Variants in ANO10 observed in about 807,000 individuals in gnomAD.
The protein encoded by ANO10 is anoctamin 10.
Under a neutral mutation model 74.7 loss-of-function variants are expected in ANO10, and 77 were observed. That is an observed-to-expected ratio of 1.03 (90% confidence interval 0.86 to 1.25). The LOEUF (loss-of-function observed/expected upper bound fraction) is 1.25. Among genes scored for constraint, ANO10 ranks in the 50% most tolerant of loss-of-function variants. ANO10 has a pLI of 0.00. For synonymous variants in ANO10, 279 were observed against 284.9 expected (o/e 0.98, Z 0.21); for missense variants, 721 against 778.1 (o/e 0.93, Z 0.87).
chr3:43,411,339 C>T (rs2092661838), intron 12 of ANO10, among the ~76,000 whole-genome samples: 1 of 152,140 alleles, frequency 6.6e-6, no homozygotes, highest in African/African-American at 2.4e-5. Flanking sequence ...ACTTGCCTCC[C>T]CATTTTCTTT....
chr3:43,403,338 C>T (rs915513227), intron 12 of ANO10, among the ~76,000 whole-genome samples: 2 of 152,242 alleles, frequency 1.3e-5, no homozygotes, highest in Non-Finnish European at 2.9e-5. Context: ...TTCCTCCACA[C>T]TGGAAGCTTT....
chr3:43,552,470 T>C (rs1341880904), intron 10 of ANO10, among the ~76,000 whole-genome samples: 1 of 152,004 alleles, frequency 6.6e-6, no homozygotes, highest in Non-Finnish European at 1.5e-5. Flanking sequence ...AAACATAACA[T>C]AGAAAACTCA....
chr3:43,650,800 G>T (rs2083778857), intron 1 of ANO10, among the ~76,000 whole-genome samples: 1 of 152,052 alleles, frequency 6.6e-6, no homozygotes. Context: ...CTGATAAATT[G>T]TGTGTTGTAC....
intron 11 of ANO10, among the ~76,000 whole-genome samples, chr3:43,538,191 TAGC>T (rs1206574175): frequency 6.6e-6 from 1 of 152,216 alleles, no homozygotes; most frequent in Non-Finnish European, 1.5e-5. Flanking sequence ...AAATTTGACG[TAGC>T]ATACTAACAC....
chr3:43,660,886 G>A (rs1482839889), intron 1 of ANO10, among the ~76,000 whole-genome samples: 2 of 152,238 alleles, frequency 1.3e-5, no homozygotes, highest in Admixed American at 6.5e-5. Flanking sequence ...CCCAGGAGAC[G>A]GAGGTTGCGT....
chr3:43,504,316 A>G (rs1191971664), intron 11 of ANO10, among the ~76,000 whole-genome samples: 1 of 151,872 alleles, frequency 6.6e-6, no homozygotes, highest in Non-Finnish European at 1.5e-5. Flanking sequence ...AGATAGATAG[A>G]TAGATAGATA....
chr3:43,480,328 TGAA>T (rs1351863581), intron 11 of ANO10, among the ~76,000 whole-genome samples: 9 of 152,246 alleles, frequency 5.9e-5, no homozygotes, highest in African/African-American at 1.9e-4. Flanking sequence ...TTCACAGAAC[TGAA>T]GAACAGGTGT....
chr3:43,681,843 G>T (rs1055621316), intron 1 of ANO10, among the ~76,000 whole-genome samples: 2 of 152,132 alleles, frequency 1.3e-5, no homozygotes, highest in African/African-American at 4.8e-5. Context: ...GGTACATAAC[G>T]AAATGAAGGC....
intron 1 of ANO10, among the ~76,000 whole-genome samples, chr3:43,656,518 T>C (rs930277672): frequency 6.6e-6 from 1 of 151,910 alleles, no homozygotes; most frequent in Non-Finnish European, 1.5e-5. Flanking sequence ...CAGGAGCCCA[T>C]GGAGGGGGTG....
chr3:43,620,069 GA>G (rs1279411411), intron 1 of ANO10, among the ~76,000 whole-genome samples: 2 of 152,092 alleles, frequency 1.3e-5, no homozygotes, highest in African/African-American at 4.8e-5. Flanking sequence ...TGACAGATGA[GA>G]AAAAGGCTTA....
intron 1 of ANO10, among the ~76,000 whole-genome samples, chr3:43,676,069 G>A (rs543865897): frequency 2.8e-4 from 43 of 152,260 alleles, no homozygotes; most frequent in Non-Finnish European, 4.3e-4. Flanking sequence ...ATATTAAACC[G>A]TGTAATACTA....
chr3:43,669,559 A>G (rs544260094), intron 1 of ANO10, among the ~76,000 whole-genome samples: 2 of 152,042 alleles, frequency 1.3e-5, no homozygotes, highest in East Asian at 1.9e-4. Flanking sequence ...TATTTTTTCA[A>G]TTATGGGGGC....
At chr3:43,412,801 A>G (rs1201425913) in intron 12 of ANO10, among the ~76,000 whole-genome samples, 3 of 152,236 alleles carry the variant, frequency 2.0e-5, no homozygotes, top group Non-Finnish European at 2.9e-5. Context: ...CTGTAATCCC[A>G]GCACTTTGGG....
chr3:43,687,917 C>T lies in ANO10; in HGVS notation c.-12+3600G>A, dbSNP rs543636994. 1.1e-4 allele frequency among the ~76,000 whole-genome samples: 17 copies of T among 152,170 alleles called. 1 individual carries two copies. In the South Asian group the frequency reaches 1.7e-3, roughly 15 times the overall value. On this transcript the variant is annotated intron_variant, in intron 1 of 3. Coordinates refer to the ANO10 transcript ENST00000413397. ...ACAGTCCAAGGGTTCCAGGGTGGCA[C>T]GGTGGTCAGGATAGAGTTGTAGGGT...
chr3:43,659,460 C>T (rs2149572248), intron 1 of ANO10, among the ~76,000 whole-genome samples: 1 of 152,328 alleles, frequency 6.6e-6, no homozygotes, highest in Admixed American at 6.5e-5. Flanking sequence ...GCTGCTAACA[C>T]AGCAGTCTGA....
At chr3:43,392,207 TAA>T (rs1179323778) in intron 12 of ANO10, among the ~76,000 whole-genome samples, 1 of 152,158 alleles carries the variant, frequency 6.6e-6, no homozygotes, top group Admixed American at 6.5e-5. Flanking sequence ...ACATAGTTTT[TAA>T]AAAGTCAAAT....
intron 11 of ANO10, among the ~76,000 whole-genome samples, chr3:43,438,833 T>C (rs529306243): frequency 6.6e-6 from 1 of 150,848 alleles, no homozygotes; most frequent in South Asian, 2.1e-4. Flanking sequence ...AGATAGGTCA[T>C]TGGAAATTAT....
intron 11 of ANO10, among the ~76,000 whole-genome samples, chr3:43,483,607 T>C (rs1157369694): frequency 6.6e-6 from 1 of 152,160 alleles, no homozygotes; most frequent in African/African-American, 2.4e-5. Context: ...CTCTGTAAAA[T>C]ATCTCAAGAG....
rs113739778 is a variant in ANO10 at position 43,670,250 on chromosome 3, C to G, written c.-12+21267G>C. Reference sequence around the variant, plus strand: ...GGTGGCACATGCCTGTAGTCCCAGACGCTCAGGAGGCTGAGGTGGGAGGAT... The same window carrying G: ...GGTGGCACATGCCTGTAGTCCCAGAGGCTCAGGAGGCTGAGGTGGGAGGAT... On this transcript the variant is annotated intron_variant, in intron 1 of 3. Coordinates refer to the ANO10 transcript ENST00000413397. 5.7e-3 allele frequency among the ~76,000 whole-genome samples: 873 copies of G among 151,882 alleles called. 5 individuals carry two copies. The highest frequency in any genetic ancestry group is 1.0e-2 in the Non-Finnish European group (677 of 67,956).
Sources: allele counts gnomAD v4.1 joint callset (sites outside exome capture counted in the v4.1 genomes callset), GRCh38; gene constraint gnomAD v4.1.1; transcripts MANE v1.5; gene names NCBI Gene and HGNC (gene_info 2026-07-23, HGNC 2026-07-21).